Variants in APC observed in about 807,000 individuals in gnomAD.
APC encodes APC regulator of Wnt signaling pathway, also known as adenomatous polyposis coli protein.
Under a neutral mutation model 247.0 loss-of-function variants are expected in APC, and 72 were observed. The observed-to-expected ratio is 0.29, with a 90% confidence interval of 0.24 to 0.35. The LOEUF is 0.35. Among genes scored for constraint, APC ranks in the 10% least tolerant of loss-of-function variants. The pLI, the probability that APC is intolerant of heterozygous loss-of-function variation, is 1.00. For missense variants in APC, 3,400 were observed against 3,360.7 expected, an observed-to-expected ratio of 1.01 and a Z score of -0.29; for synonymous variants, 1,254 against 1,162.5, an observed-to-expected ratio of 1.08 and a Z score of -1.60.
rs1476012829 is a variant in APC at position 112,841,563 on chromosome 5, C to T, written c.5969C>T (p.Thr1990Ile). 6.2e-7 allele frequency: 1 copy of T among 1,613,966 alleles called. No homozygotes were observed. Among genetic ancestry groups the T allele is most frequent in the South Asian group, 1.1e-5 (1 of 91,078 alleles). The change falls in exon 16 of 16, where the codon ACT becomes ATT. Residue 1990 changes from threonine (T) to isoleucine (I), a missense_variant. Thr to Ile is a moderately conservative substitution (Grantham distance 89). Around this residue, in one of 9 missense-constraint regions of APC, gnomAD observed 1,788 missense variants for 1,649.5 expected, o/e 1.08. Coordinates refer to ENST00000257430, the MANE Select transcript of APC (RefSeq NM_000038.6). The surrounding 1 kb of genome is among the most constrained non-coding windows in gnomAD (Gnocchi z 4.6). ...AAAGAAAATGAACCTATCAAAGAGA[C>T]TGAGCCCCCTGACTCACAGGGAGAA... ...NNKENEPIKETEPPDSQGEPS... is the reference protein window; with the variant it reads ...NNKENEPIKEIEPPDSQGEPS...
intron 1 of APC, among the ~76,000 whole-genome samples, chr5:112,749,968 GT>G (rs34082853): frequency 2.4e-4 from 19 of 79,600 alleles, no homozygotes; most frequent in African/African-American, 5.7e-4. Context: ...TTTTTTTTTT[GT>G]TTTTTTTTTT....
At chr5:112,713,490 A>C (rs1750981027) in intron 1 of APC, among the ~76,000 whole-genome samples, 1 of 152,172 alleles carries the variant, frequency 6.6e-6, no homozygotes, top group Admixed American at 6.5e-5. Context: ...AGGCTGGGAA[A>C]ATGAATATGT....
intron 1 of APC, among the ~76,000 whole-genome samples, chr5:112,717,032 A>G (rs780439121): frequency 4.6e-5 from 7 of 152,068 alleles, no homozygotes; most frequent in Non-Finnish European, 1.0e-4. Context: ...TTGTTTTGAG[A>G]CAGGGTCTCG....
At chr5:112,765,421 C>T (rs1360316097) in intron 2 of APC, among the ~76,000 whole-genome samples, 2 of 152,176 alleles carry the variant, frequency 1.3e-5, no homozygotes, top group Non-Finnish European at 2.9e-5. Context: ...CTTACAATGT[C>T]ACTGTCAAGA....
chr5:112,836,719 T>C (rs972068957), intron 15 of APC, among the ~76,000 whole-genome samples: 1 of 152,212 alleles, frequency 6.6e-6, no homozygotes, highest in Non-Finnish European at 1.5e-5. Flanking sequence ...TTTTTTTCTT[T>C]TTTTTGAGAT....
At chr5:112,833,180 ATTTT>A (rs35482005) in intron 14 of APC, among the ~76,000 whole-genome samples, 6 of 122,186 alleles carry the variant, frequency 4.9e-5, no homozygotes, top group Non-Finnish European at 1.7e-5. Flanking sequence ...TGCCTGGCTA[ATTTT>A]TTTTTTTTTT....
At chr5:112,794,724 A>T (rs942081451) in intron 7 of APC, among the ~76,000 whole-genome samples, 5 of 152,162 alleles carry the variant, frequency 3.3e-5, no homozygotes, top group Admixed American at 6.5e-5. Context: ...CCCACCTCAG[A>T]TGCCAGCCAC....
chr5:112,836,564 G>A (rs1239407468), intron 15 of APC, among the ~76,000 whole-genome samples: 1 of 152,132 alleles, frequency 6.6e-6, no homozygotes, highest in Non-Finnish European at 1.5e-5. Context: ...CGTTAAACAA[G>A]CTGTTGCTCT....
chr5:112,843,434 A>G lies in APC; in HGVS notation c.7840A>G (p.Lys2614Glu). The G allele has an allele frequency of 4.3e-6, 7 of 1,613,602 alleles. No individual in the cohort carries two copies. The highest frequency in any genetic ancestry group is 5.9e-6 in the Non-Finnish European group (7 of 1,179,630). Residue 2614 changes from lysine to glutamate, a missense_variant, in exon 16 of 16, where the codon AAA (lysine) becomes GAA (glutamate). Physicochemically the swap from Lys to Glu is moderately conservative, Grantham distance 56. Transcript: ENST00000257430. The surrounding 1 kb of genome is among the most constrained non-coding windows in gnomAD (Gnocchi z 4.8). Reference protein sequence around the residue: ...NQVSAKGTWRKIKENEFSPTN... With the variant: ...NQVSAKGTWREIKENEFSPTN... ...AGTATCCGCAAAAGGAACATGGAGA[A>G]AAATAAAAGAAAATGAATTTTCTCC...
At chr5:112,787,131 A>G (rs1580403821) in intron 6 of APC, among the ~76,000 whole-genome samples, 2 of 151,952 alleles carry the variant, frequency 1.3e-5, no homozygotes, top group African/African-American at 4.8e-5. Context: ...CAGGTGATCC[A>G]CCTGCCTCAG....
intron 1 of APC, among the ~76,000 whole-genome samples, chr5:112,740,378 C>T (rs1365835862): frequency 6.6e-6 from 1 of 151,980 alleles, no homozygotes; most frequent in East Asian, 1.9e-4. Context: ...TATGACTGAC[C>T]TATTGGCTTT....
chr5:112,766,286 T>C (rs917862602), intron 2 of APC, 40 bp from the exon 3 acceptor site: 5 of 1,391,962 alleles, frequency 3.6e-6, no homozygotes, highest in Non-Finnish European at 5.1e-6. Flanking sequence ...CTTGAAGTTA[T>C]TTAGAATTTC....
At chr5:112,806,822 C>T (rs962874744) in intron 8 of APC, among the ~76,000 whole-genome samples, 1 of 152,078 alleles carries the variant, frequency 6.6e-6, no homozygotes, top group African/African-American at 2.4e-5. Context: ...AAGCAATCCT[C>T]CAGCATTGGC....
chr5:112,776,874 T>A (rs945829540), intron 5 of APC, among the ~76,000 whole-genome samples: 1 of 150,766 alleles, frequency 6.6e-6, no homozygotes, highest in African/African-American at 2.5e-5. Flanking sequence ...AAAAAAAAAA[T>A]AAATGACTCA....
chr5:112,709,855 A>C (rs1248358077), intron 1 of APC, among the ~76,000 whole-genome samples: 1 of 152,190 alleles, frequency 6.6e-6, no homozygotes, highest in Non-Finnish European at 1.5e-5. Context: ...CAGTGAGCCA[A>C]GATTGTGCCA....
chr5:112,787,525 T>C (rs975568583), intron 6 of APC, among the ~76,000 whole-genome samples: 3 of 152,236 alleles, frequency 2.0e-5, no homozygotes, highest in African/African-American at 7.2e-5. Flanking sequence ...TTTTGTCATC[T>C]TAAACTTTGT....
chr5:112,720,758 AT>A (rs1751437899), intron 1 of APC, among the ~76,000 whole-genome samples: 1 of 152,204 alleles, frequency 6.6e-6, no homozygotes, highest in African/African-American at 2.4e-5. Flanking sequence ...AGTATTGGAT[AT>A]CCTTTGATGT....
intron 1 of APC, among the ~76,000 whole-genome samples, chr5:112,720,677 TGA>T (rs1751433064): frequency 6.6e-6 from 1 of 152,176 alleles, no homozygotes; most frequent in African/African-American, 2.4e-5. Flanking sequence ...GTTACAGATT[TGA>T]GGAGACAAAA....
intron 10 of APC, among the ~76,000 whole-genome samples, 181 bp from the exon 11 acceptor site, chr5:112,821,715 T>C (rs889690639): frequency 1.3e-5 from 2 of 152,206 alleles, no homozygotes; most frequent in African/African-American, 4.8e-5. Context: ...AATCCCTTTA[T>C]TCCTATTTTT....
Sources: allele counts gnomAD v4.1 joint callset (sites outside exome capture counted in the v4.1 genomes callset), GRCh38; gene constraint gnomAD v4.1.1; regional missense constraint gnomAD v4.1.1; non-coding constraint Gnocchi (gnomAD v3.1); transcripts MANE v1.5; gene names NCBI Gene and HGNC (gene_info 2026-07-23, HGNC 2026-07-21).